SLC14A2: variants seen among roughly 807,000 people sequenced by gnomAD.
SLC14A2 encodes the protein solute carrier family 14 member 2.
In SLC14A2, 91 loss-of-function variants were observed where a neutral mutation model predicts 104.6. That is an observed-to-expected ratio of 0.87 (90% confidence interval 0.73 to 1.04). The LOEUF is 1.04. Among genes scored for constraint, SLC14A2 ranks in the 50% least tolerant of loss-of-function variants. SLC14A2 has a pLI of 0.00. For synonymous variants in SLC14A2, 476 were observed against 466.4 expected, an observed-to-expected ratio of 1.02 and a Z score of -0.27; for missense variants, 1,189 against 1,156.0, an observed-to-expected ratio of 1.03 and a Z score of -0.41.
In SLC14A2 at chr18:45,307,427, AAAAAAAAACC is replaced by A. The variant is rs1160474761; in HGVS notation, c.-125+94243_-125+94252del. Among the ~76,000 whole-genome samples, 991 of 146,416 alleles carry A rather than the reference AAAAAAAAACC, an allele frequency of 6.8e-3. 5 individuals carry two copies. The highest frequency in any genetic ancestry group is 0.024 in the African/African-American group (943 of 38,984). On this transcript the variant is annotated intron_variant, in intron 1 of 20. Coordinates refer to the SLC14A2 transcript ENST00000586448. Reference sequence around the variant, plus strand: ...AGTGAGACTCCATCTCAAAAAAAAAAAAAAAAAACCAAAAAACCAAAAAACCAACAACAAC... The same window carrying A: ...AGTGAGACTCCATCTCAAAAAAAAAAAAAAAACCAAAAAACCAACAACAAC...
At chr18:45,391,873 G>T (rs1049666136) in intron 1 of SLC14A2, among the ~76,000 whole-genome samples, 1 of 152,152 alleles carries the variant, frequency 6.6e-6, no homozygotes, top group Non-Finnish European at 1.5e-5. Context: ...CCATTTTGTG[G>T]GTTGCCTGTT....
chr18:45,368,458 G>C (rs1299093916), intron 1 of SLC14A2, among the ~76,000 whole-genome samples: 3 of 152,198 alleles, frequency 2.0e-5, no homozygotes, highest in African/African-American at 7.2e-5. Context: ...GTCAGAGACT[G>C]AGATGTGGCT....
intron 1 of SLC14A2, among the ~76,000 whole-genome samples, chr18:45,264,838 C>A (rs1303591095): frequency 6.6e-6 from 1 of 152,148 alleles, no homozygotes; most frequent in Non-Finnish European, 1.5e-5. Context: ...CAAACCATTT[C>A]ACTTAGTATA....
At position 45,639,889 on chromosome 18, in the gene SLC14A2, A is replaced by G. The variant is rs753759479; in HGVS notation, c.987A>G (p.Leu329=). ...HAAIGSIVGL[L]AALSVATPFE... is the part of the protein sequence containing the mutation. Reference sequence around the variant, plus strand: ...CCATTGGCTCAATCGTGGGGCTGCTAGCAGGTAGGACAGAGCTCCCTCTCT... The same window carrying G: ...CCATTGGCTCAATCGTGGGGCTGCTGGCAGGTAGGACAGAGCTCCCTCTCT... Residue 329 remains leucine, a synonymous_variant, in exon 7 of 20, where the codon CTA becomes CTG. Coordinates refer to ENST00000255226, the MANE Select transcript of SLC14A2 (RefSeq NM_007163.4). 1.2e-6 allele frequency: 2 copies of G among 1,613,062 alleles called. No homozygotes were observed. Among genetic ancestry groups the G allele is most frequent in the East Asian group, 2.2e-5 (1 of 44,860 alleles).
At chr18:45,629,684 A>G (rs1466789602) in intron 4 of SLC14A2, among the ~76,000 whole-genome samples, 1 of 152,102 alleles carries the variant, frequency 6.6e-6, no homozygotes, top group African/African-American at 2.4e-5. Flanking sequence ...CCCACCATTA[A>G]TCTACTGGTA....
chr18:45,637,615 A>AGG (rs2045442140), intron 6 of SLC14A2, among the ~76,000 whole-genome samples: 1 of 152,172 alleles, frequency 6.6e-6, no homozygotes, highest in African/African-American at 2.4e-5. Flanking sequence ...TAGAAGACAG[A>AGG]GGGTTAATTT....
intron 2 of SLC14A2, among the ~76,000 whole-genome samples, chr18:45,577,060 A>G (rs2044427336): frequency 6.6e-6 from 1 of 151,574 alleles, no homozygotes; most frequent in South Asian, 2.1e-4. Context: ...AGAGGTCTGG[A>G]GTGAGAGAAC....
intron 1 of SLC14A2, among the ~76,000 whole-genome samples, chr18:45,345,486 A>G (rs1184340826): frequency 2.0e-5 from 3 of 152,128 alleles, no homozygotes. Flanking sequence ...TTCCCTACAA[A>G]GGCACGGCCC....
intron 1 of SLC14A2, among the ~76,000 whole-genome samples, chr18:45,247,475 G>A (rs1036030892): frequency 6.6e-6 from 1 of 152,186 alleles, no homozygotes; most frequent in Non-Finnish European, 1.5e-5. Flanking sequence ...TCTGTATTCA[G>A]ATTTAGATGT....
In SLC14A2 at chr18:45,366,476, A is replaced by G. The variant is rs964281557; in HGVS notation, c.-124-116757A>G. 2.2e-4 allele frequency among the ~76,000 whole-genome samples: 34 copies of G among 152,286 alleles called. 1 individual carries two copies. Among genetic ancestry groups the G allele is most frequent in the Admixed American group, 1.9e-3 (29 of 15,298 alleles). On this transcript the variant is annotated intron_variant, in intron 1 of 20. Transcript: ENST00000586448. ...TGGCCACTCCTACCTACAAAAAGAC[A>G]GTGTGCAATGTGGAAGATGGATCCC...
At chr18:45,474,908 G>A (rs1348441787) in intron 1 of SLC14A2, among the ~76,000 whole-genome samples, 33 of 151,868 alleles carry the variant, frequency 2.2e-4, no homozygotes, top group Admixed American at 2.2e-3. Flanking sequence ...GTTATTTCTT[G>A]TCTTTTGCTA....
At position 45,257,332 on chromosome 18, in the gene SLC14A2, G is replaced by A. The variant is rs368358816; in HGVS notation, c.-125+44141G>A. 5.3e-4 allele frequency among the ~76,000 whole-genome samples: 80 copies of A among 152,300 alleles called. 1 individual carries two copies. The highest frequency in any genetic ancestry group is 1.9e-3 in the African/African-American group (77 of 41,550). ...AAATTCACACGTAATAGACTAAGTTGTCTAGGAAGTTATTCCTAACTTTTG... is the reference window on the plus strand; with the variant it reads ...AAATTCACACGTAATAGACTAAGTTATCTAGGAAGTTATTCCTAACTTTTG... On this transcript the variant is annotated intron_variant, in intron 1 of 20. Transcript: ENST00000586448.
At chr18:45,337,483 A>G (rs924863943) in intron 1 of SLC14A2, among the ~76,000 whole-genome samples, 1 of 152,166 alleles carries the variant, frequency 6.6e-6, no homozygotes, top group Non-Finnish European at 1.5e-5. Context: ...TGTAAGCCAA[A>G]AATAAAATCC....
chr18:45,472,105 C>A (rs1482986866), intron 1 of SLC14A2, among the ~76,000 whole-genome samples: 1 of 152,106 alleles, frequency 6.6e-6, no homozygotes, highest in Non-Finnish European at 1.5e-5. Context: ...TCAACTCCCC[C>A]TTATGAGTGA....
intron 2 of SLC14A2, among the ~76,000 whole-genome samples, chr18:45,524,309 T>C (rs2043560138): frequency 6.6e-6 from 1 of 152,200 alleles, no homozygotes; most frequent in Non-Finnish European, 1.5e-5. Flanking sequence ...GGCTACCCAA[T>C]GTTTTGTACT....
intron 1 of SLC14A2, among the ~76,000 whole-genome samples, chr18:45,622,396 G>T (rs988377488): frequency 6.6e-6 from 1 of 152,194 alleles, no homozygotes; most frequent in African/African-American, 2.4e-5. Flanking sequence ...GGGAGGATAG[G>T]ATTTGGGAAG....
At chr18:45,564,730 A>G (rs1183384768) in intron 2 of SLC14A2, among the ~76,000 whole-genome samples, 1 of 152,172 alleles carries the variant, frequency 6.6e-6, no homozygotes, top group African/African-American at 2.4e-5. Context: ...GTGTACGTGC[A>G]TTGTGCCAAT....
At chr18:45,617,199 C>A (rs191932838) in intron 1 of SLC14A2, among the ~76,000 whole-genome samples, 25 of 152,312 alleles carry the variant, frequency 1.6e-4, no homozygotes, top group Non-Finnish European at 2.6e-4. Flanking sequence ...AAGTGGTCTG[C>A]TCTCTCCCCC....
At position 45,346,968 on chromosome 18, in the gene SLC14A2, AAAATAAAAATAAAAAT is replaced by A. The variant is rs753726019; in HGVS notation, c.-125+133785_-125+133800del. On this transcript the variant is annotated intron_variant, in intron 1 of 20. Coordinates refer to the SLC14A2 transcript ENST00000586448. ...GGCAACACAGCGAGACTCAAAAATA[AAAATAAAAATAAAAAT>A]AAATAAATAAATAAATAAATAAATA... Among the ~76,000 whole-genome samples, 879 of 144,706 alleles carry A rather than the reference AAAATAAAAATAAAAAT, an allele frequency of 6.1e-3. 10 individuals carry two copies. Among genetic ancestry groups the A allele is most frequent in the African/African-American group, 0.023 (824 of 35,550 alleles). 94.9% of individuals were successfully genotyped at this position (144,706 alleles called of 152,430 possible). A position where few individuals can be genotyped will look rare whatever the true frequency, so the allele number is the denominator to read the frequency against.
Sources: gnomAD v4.1 joint callset for allele counts (sites outside exome capture counted in the v4.1 genomes callset) on GRCh38, gnomAD v4.1.1 for gene constraint, MANE v1.5 for transcripts, NCBI Gene and HGNC (gene_info 2026-07-23, HGNC 2026-07-21) for gene names.